The following CHSY1 variants were observed in gnomAD, a reference collection of about 807,000 sequenced individuals.
CHSY1 encodes N-acetylgalactosaminyl-proteoglycan 3-beta-glucuronosyltransferase 1.
CHSY1 carries 13 observed loss-of-function variants against 59.8 expected under a neutral mutation model. The observed-to-expected ratio is 0.22, with a 90% CI of 0.14 to 0.35. CHSY1 has a LOEUF of 0.35. Ranked by LOEUF, CHSY1 falls within the 10% of genes least tolerant of loss-of-function variation. CHSY1 has a pLI of 1.00. For missense variants in CHSY1, 947 were observed against 1,030.6 expected (o/e 0.92, Z 1.11); for synonymous variants, 459 against 401.2 (o/e 1.14, Z -1.72).
chr15:101,181,754 T>C (rs138747899), intron 2 of CHSY1, among the ~76,000 whole-genome samples: 205 of 152,268 alleles, frequency 1.3e-3, no homozygotes, highest in African/African-American at 4.8e-3. Flanking sequence ...TTTTCTCCTC[T>C]CTTCCCAAAT....
intron 2 of CHSY1, among the ~76,000 whole-genome samples, chr15:101,229,792 A>AGGTAC (rs1033338129): frequency 2.6e-5 from 4 of 151,990 alleles, no homozygotes; most frequent in African/African-American, 9.7e-5. Flanking sequence ...CTGTAATCCC[A>AGGTAC]GGTACTCAGG....
At chr15:101,249,018 T>A (rs1596458008) in intron 1 of CHSY1, among the ~76,000 whole-genome samples, 2 of 149,430 alleles carry the variant, frequency 1.3e-5, no homozygotes, top group East Asian at 3.9e-4. Context: ...TTAGCCAGGA[T>A]GGTCTTGATC....
At chr15:101,179,113 G>A (rs770572524) in intron 2 of CHSY1, 133 bp from the exon 3 acceptor site, 51 of 824,484 alleles carry the variant, frequency 6.2e-5, no homozygotes, top group Admixed American at 3.1e-4. Context: ...GATAAGGCCC[G>A]ATCAACAGCA....
intron 1 of CHSY1, among the ~76,000 whole-genome samples, chr15:101,248,996 G>C (rs1276247952): frequency 1.3e-5 from 2 of 149,290 alleles, no homozygotes; most frequent in Non-Finnish European, 3.0e-5. Flanking sequence ...GTAGAGATGG[G>C]GTTTCACCGT....
intron 2 of CHSY1, among the ~76,000 whole-genome samples, chr15:101,196,815 G>A (rs2038512268): frequency 6.6e-6 from 1 of 152,178 alleles, no homozygotes; most frequent in South Asian, 2.1e-4. Flanking sequence ...CTAGAGCTCA[G>A]GAGCTCGAGG....
At chr15:101,214,053 T>C (rs2038707797) in intron 2 of CHSY1, among the ~76,000 whole-genome samples, 2 of 152,214 alleles carry the variant, frequency 1.3e-5, no homozygotes, top group African/African-American at 2.4e-5. Context: ...CCTGGATCCA[T>C]CACCTGTGGG....
At chr15:101,224,535 G>GT (rs747280870) in intron 2 of CHSY1, among the ~76,000 whole-genome samples, 22 of 152,308 alleles carry the variant, frequency 1.4e-4, no homozygotes, top group East Asian at 1.2e-3. Context: ...ACTAGCAAGT[G>GT]TAAGATTCAC....
In CHSY1 at chr15:101,177,344, ATAAAT is replaced by A. The variant is rs779038187; in HGVS notation, c.*39_*43del. On this transcript the variant is annotated 3_prime_UTR_variant, in exon 3 of 3. Transcript: ENST00000254190. Reference sequence around the variant, plus strand: ...TGATCATACAAAAAATTTTTGAAAAATAAATTAGATAATTAAAAACGTCTTTTCCA... The same window carrying A: ...TGATCATACAAAAAATTTTTGAAAAATAGATAATTAAAAACGTCTTTTCCA... The A allele has an allele frequency of 6.3e-7, 1 of 1,580,882 alleles. No individual in the cohort carries two copies. Among genetic ancestry groups the A allele is most frequent in the South Asian group, 1.2e-5 (1 of 84,934 alleles).
chr15:101,201,003 C>G (rs1215189809), intron 2 of CHSY1, among the ~76,000 whole-genome samples: 1 of 152,114 alleles, frequency 6.6e-6, no homozygotes, highest in African/African-American at 2.4e-5. Flanking sequence ...CCCTTCCCTG[C>G]CTGAGCCAGG....
At chr15:101,203,777 G>A (rs540676825) in intron 2 of CHSY1, among the ~76,000 whole-genome samples, 44 of 152,230 alleles carry the variant, frequency 2.9e-4, no homozygotes, top group African/African-American at 8.9e-4. Context: ...CAGACTGAAG[G>A]ACAAATAACT....
chr15:101,218,330 T>A (rs1469973525), intron 2 of CHSY1, among the ~76,000 whole-genome samples: 1 of 152,028 alleles, frequency 6.6e-6, no homozygotes, highest in Non-Finnish European at 1.5e-5. Context: ...GCACAGTGGC[T>A]CATGCCTGTT....
intron 1 of CHSY1, among the ~76,000 whole-genome samples, chr15:101,250,184 C>A (rs1222945726): frequency 6.6e-6 from 1 of 152,240 alleles, no homozygotes; most frequent in African/African-American, 2.4e-5. Context: ...ACAACTGATG[C>A]TCTAAAACCA....
chr15:101,201,667 G>GC (rs969533756), intron 2 of CHSY1, among the ~76,000 whole-genome samples: 1 of 152,348 alleles, frequency 6.6e-6, no homozygotes, highest in Non-Finnish European at 1.5e-5. Context: ...GACAGAGGTT[G>GC]CAAGTACCAG....
rs905232965 is a variant in CHSY1, at chr15:101,188,164, G to A, written c.817-9184C>T. On this transcript the variant is annotated intron_variant, in intron 2 of 2. Transcript: ENST00000254190. ...GCTACAGAGCGACAACTTCCCATTC[G>A]GACTTAGGCAGCGTTTCAGTTCATT... 7.2e-5 allele frequency: 71 copies of A among 985,250 alleles called. No individual in the cohort carries two copies. The Admixed American group carries it at 1.4e-3, about 19-fold the overall frequency. 61.0% of individuals were successfully genotyped at this position (985,250 alleles called of 1,614,324 possible).
chr15:101,237,519 A>C (rs904476005), intron 1 of CHSY1, among the ~76,000 whole-genome samples: 14 of 152,334 alleles, frequency 9.2e-5, no homozygotes, highest in Admixed American at 9.1e-4. Flanking sequence ...ATTGCGAGGA[A>C]ACCACATAAA....
In CHSY1 at chr15:101,216,977, C is replaced by T. The variant is rs79715048; in HGVS notation, c.816+18105G>A. Among the ~76,000 whole-genome samples, 675 of 152,304 alleles carry T rather than the reference C, an allele frequency of 4.4e-3. 4 individuals carry two copies. Among genetic ancestry groups the T allele is most frequent in the African/African-American group, 0.015 (607 of 41,546 alleles). ...CTAACTGCATTACAAATGTATGAGA[C>T]AATCTCACTGAAGTGGGCAGAGCAG... On this transcript the variant is annotated intron_variant, in intron 2 of 2. Transcript: ENST00000254190.
intron 1 of CHSY1, among the ~76,000 whole-genome samples, chr15:101,235,942 G>C (rs2038936637): frequency 6.6e-6 from 1 of 152,034 alleles, no homozygotes; most frequent in African/African-American, 2.4e-5. Flanking sequence ...AAAATCAAAT[G>C]GTTCACTCAA....
chr15:101,239,438 T>G (rs1214530352), intron 1 of CHSY1, among the ~76,000 whole-genome samples: 1 of 152,238 alleles, frequency 6.6e-6, no homozygotes, highest in Non-Finnish European at 1.5e-5. Flanking sequence ...GGCTCTGGAA[T>G]CAGGCCATGG....
In CHSY1 at chr15:101,235,530, T is replaced by C; in HGVS notation, c.368A>G (p.Glu123Gly). ...AATTGGTACAGATGTGTCAGAACCCTCACTTGAGAAGAACTGAACTTTCCC... is the reference window on the plus strand; with the variant it reads ...AATTGGTACAGATGTGTCAGAACCCCCACTTGAGAAGAACTGAACTTTCCC... ...IPGKVQFFSS[E>G]GSDTSVPIPV... Residue 123 changes from glutamate to glycine, a missense_variant, in exon 2 of 3, where the codon GAG (glutamate) becomes GGG (glycine). Coordinates refer to ENST00000254190, the MANE Select transcript of CHSY1 (RefSeq NM_014918.5). 6.2e-7 allele frequency: 1 copy of C among 1,613,518 alleles called. No homozygotes were observed. The highest frequency in any genetic ancestry group is 8.5e-7 in the Non-Finnish European group (1 of 1,179,968).
Sources: allele counts gnomAD v4.1 joint callset (sites outside exome capture counted in the v4.1 genomes callset), GRCh38; gene constraint gnomAD v4.1.1; transcripts MANE v1.5; gene names NCBI Gene and HGNC (gene_info 2026-07-23, HGNC 2026-07-21).